Variants in ARHGEF7 observed in about 807,000 individuals in gnomAD.
ARHGEF7 encodes PAK-interacting exchange factor beta.
A neutral mutation model predicts 109.8 loss-of-function variants in ARHGEF7; 33 were observed. The observed-to-expected ratio is 0.30, with a 90% CI of 0.23 to 0.40. The LOEUF (loss-of-function observed/expected upper bound fraction) is 0.40. ARHGEF7 is among the 10% of genes least tolerant of loss of function. The pLI is 1.00. For synonymous variants in ARHGEF7, 458 were observed against 424.6 expected (o/e 1.08, Z -0.97); for missense variants, 938 against 1,098.5 (o/e 0.85, Z 2.07).
At position 111,300,778 on chromosome 13, in the gene ARHGEF7, T is replaced by C; in HGVS notation, c.2342T>C (p.Leu781Ser). 6.2e-7 allele frequency: 1 copy of C among 1,612,028 alleles called. No individual in the cohort carries two copies. Among genetic ancestry groups the C allele is most frequent in the Non-Finnish European group, 8.5e-7 (1 of 1,179,104 alleles). Reference protein sequence around the residue: ...RSRKESAPQVLLPEEEKIIVE... With the variant: ...RSRKESAPQVSLPEEEKIIVE... ...CGCAAAGAATCTGCTCCACAAGTTT[T>C]GCTTCCAGAAGAAGAGAAAATTATA... Residue 781 changes from leucine to serine, a missense_variant, in exon 20 of 22, where the codon TTG becomes TCG. By Grantham distance (145) the Leu-to-Ser change is moderately radical. Transcript: ENST00000646102.
At chr13:111,212,751 T>G (rs1415544252) in intron 4 of ARHGEF7, among the ~76,000 whole-genome samples, 1 of 152,220 alleles carries the variant, frequency 6.6e-6, no homozygotes, top group African/African-American at 2.4e-5. Flanking sequence ...TACACATTGT[T>G]AAATATTTTC....
intron 1 of ARHGEF7, among the ~76,000 whole-genome samples, chr13:111,133,787 ATATATATATATATATATATATAT>A (rs2074928750): frequency 9.8e-6 from 1 of 102,190 alleles, no homozygotes; most frequent in Non-Finnish European, 1.9e-5. Context: ...ATATATATAT[ATATATATATATATATATATATAT>A]ATATTTATTA....
chr13:111,178,048 C>G (rs181315301), intron 2 of ARHGEF7, among the ~76,000 whole-genome samples: 81 of 152,346 alleles, frequency 5.3e-4, no homozygotes, highest in Non-Finnish European at 8.4e-4. Context: ...TCCTAAACTT[C>G]CTGTTTCTCA....
intron 8 of ARHGEF7, among the ~76,000 whole-genome samples, chr13:111,251,257 G>GT (rs1271083869): frequency 6.6e-6 from 1 of 152,216 alleles, no homozygotes; most frequent in Non-Finnish European, 1.5e-5. Flanking sequence ...GCCAGGGACA[G>GT]TTTATCTGAT....
intron 8 of ARHGEF7, among the ~76,000 whole-genome samples, chr13:111,261,805 A>G (rs2091118894): frequency 2.0e-5 from 3 of 152,260 alleles, no homozygotes; most frequent in African/African-American, 4.8e-5. Context: ...CTAGAAATCA[A>G]TAATGAGGAA....
At chr13:111,148,691 TG>T (rs1566628517) in intron 1 of ARHGEF7, among the ~76,000 whole-genome samples, 2 of 152,226 alleles carry the variant, frequency 1.3e-5, no homozygotes, top group Non-Finnish European at 2.9e-5. Context: ...TGCTGCAAGA[TG>T]GAAAACTTCC....
At chr13:111,188,505 GTGC>G (rs2153441239) in intron 2 of ARHGEF7, among the ~76,000 whole-genome samples, 1 of 152,298 alleles carries the variant, frequency 6.6e-6, no homozygotes, top group South Asian at 2.1e-4. Context: ...CTCCTACACG[GTGC>G]TGGATCCCCC....
At chr13:111,120,029 G>T (rs1238250962) in intron 1 of ARHGEF7, among the ~76,000 whole-genome samples, 1 of 152,186 alleles carries the variant, frequency 6.6e-6, no homozygotes. Context: ...TTTAAACCCT[G>T]CAAACTGAAT....
chr13:111,270,638 T>G (rs370446888), intron 9 of ARHGEF7, among the ~76,000 whole-genome samples: 1 of 152,206 alleles, frequency 6.6e-6, no homozygotes, highest in African/African-American at 2.4e-5. Context: ...TTTTCTCTGC[T>G]GTACCGTAGT....
intron 2 of ARHGEF7, among the ~76,000 whole-genome samples, chr13:111,203,677 T>G (rs1025016088): frequency 6.6e-6 from 1 of 152,172 alleles, no homozygotes. Flanking sequence ...ATTTGGTGGG[T>G]TTTTCTCTTG....
chr13:111,282,799 T>C, intron 15 of ARHGEF7: 1 of 372,316 alleles, frequency 2.7e-6, no homozygotes, highest in Non-Finnish European at 4.8e-6. Flanking sequence ...AATTCTCATC[T>C]TTTTACTAGA....
intron 6 of ARHGEF7, among the ~76,000 whole-genome samples, chr13:111,236,599 C>A (rs1246587308): frequency 1.3e-5 from 2 of 152,036 alleles, no homozygotes; most frequent in African/African-American, 4.8e-5. Flanking sequence ...ATTTTTAATT[C>A]TGTCTTTCTA....
chr13:111,144,436 T>C lies in ARHGEF7; in HGVS notation c.166-9469T>C, dbSNP rs139881711. 17 of 152,368 alleles carry C rather than the reference T, an allele frequency of 1.1e-4. No homozygotes were observed. In the East Asian group the frequency reaches 2.5e-3, roughly 22 times the overall value. 9.4% of individuals were successfully genotyped at this position (152,368 alleles called of 1,614,324 possible). A position where few individuals can be genotyped will look rare whatever the true frequency, so the allele number is the denominator to read the frequency against. On this transcript the variant is annotated intron_variant, in intron 1 of 21. Transcript: ENST00000646102. ...GCATTTCTGCCTGTTGCTTCATGTT[T>C]TCCAATGGATTTGGAGGAAGAGTTG... is the stretch of plus-strand genomic sequence containing the variant.
chr13:111,276,537 G>A (rs895645565), intron 12 of ARHGEF7, among the ~76,000 whole-genome samples: 5 of 152,182 alleles, frequency 3.3e-5, no homozygotes, highest in Non-Finnish European at 5.9e-5. Flanking sequence ...TTCCCAAAGT[G>A]TGTTCTTTAT....
rs116033273 is a variant in ARHGEF7 at position 111,228,732 on chromosome 13, C to G, written c.671-4473C>G. On this transcript the variant is annotated intron_variant, in intron 5 of 21. Coordinates refer to ENST00000646102, the MANE Select transcript of ARHGEF7 (RefSeq NM_001354046.2). This position sits in a 1 kb window ranked among gnomAD's most constrained non-coding sequence, Gnocchi z 4.6. ...ACTGCTGAGCACGGGCAGACACACACAGACATTGACTCTGTGAACTCTGAG... is the reference window on the plus strand; with the variant it reads ...ACTGCTGAGCACGGGCAGACACACAGAGACATTGACTCTGTGAACTCTGAG... 2.6e-3 allele frequency among the ~76,000 whole-genome samples: 396 copies of G among 152,210 alleles called. 1 individual carries two copies. The highest frequency in any genetic ancestry group is 9.1e-3 in the African/African-American group (379 of 41,538).
chr13:111,261,576 T>A (rs1325045750), intron 8 of ARHGEF7, among the ~76,000 whole-genome samples: 1 of 152,204 alleles, frequency 6.6e-6, no homozygotes, highest in Non-Finnish European at 1.5e-5. Flanking sequence ...CAAAGACACT[T>A]GACTTTATCT....
rs1177355760 is a variant in ARHGEF7 at position 111,221,414 on chromosome 13, TGTCTATATATCTATATATAG to T, written c.670+3535_670+3554del. 6.9e-3 allele frequency among the ~76,000 whole-genome samples: 83 copies of T among 12,048 alleles called. 4 individuals are homozygous for T. The highest frequency in any genetic ancestry group is 0.01 in the Non-Finnish European group (56 of 5,374). 7.9% of individuals were successfully genotyped at this position (12,048 alleles called of 152,430 possible). On this transcript the variant is annotated intron_variant, in intron 5 of 21. Coordinates refer to ENST00000646102, the MANE Select transcript of ARHGEF7 (RefSeq NM_001354046.2). ...ATGTCTATATATCTATATATATAGA[TGTCTATATATCTATATATAG>T]ATATATATATCTATATATATAGATA...
chr13:111,140,231 A>G (rs2075285818), intron 1 of ARHGEF7, among the ~76,000 whole-genome samples: 1 of 152,232 alleles, frequency 6.6e-6, no homozygotes, highest in South Asian at 2.1e-4. Flanking sequence ...CAGACCAAAT[A>G]TGCTGCAGCT....
intron 8 of ARHGEF7, among the ~76,000 whole-genome samples, chr13:111,247,606 G>A (rs895170172): frequency 4.7e-5 from 7 of 149,412 alleles, no homozygotes; most frequent in African/African-American, 1.2e-4. Context: ...TTTTTTTTTC[G>A]TCTCTACACA....
Sources: gnomAD v4.1 joint callset for allele counts (sites outside exome capture counted in the v4.1 genomes callset) on GRCh38, gnomAD v4.1.1 for gene constraint, Gnocchi (gnomAD v3.1) non-coding constraint, MANE v1.5 for transcripts, NCBI Gene and HGNC (gene_info 2026-07-23, HGNC 2026-07-21) for gene names.